WDPCP: variants seen among roughly 807,000 people sequenced by gnomAD.
WDPCP encodes the protein WD repeat containing planar cell polarity effector.
Under a neutral mutation model 93.1 loss-of-function variants are expected in WDPCP, and 71 were observed. The observed-to-expected ratio is 0.76, with a 90% CI of 0.63 to 0.93. The LOEUF (loss-of-function observed/expected upper bound fraction) is 0.93. WDPCP is among the 40% of genes least tolerant of loss of function. The pLI is 0.00. For synonymous variants in WDPCP, 315 were observed against 315.0 expected (o/e 1.00, Z 0.00); for missense variants, 844 against 887.4 (o/e 0.95, Z 0.62).
intron 14 of WDPCP, among the ~76,000 whole-genome samples, chr2:63,181,145 T>C (rs1465612557): frequency 6.6e-6 from 1 of 152,182 alleles, no homozygotes; most frequent in Admixed American, 6.5e-5. Context: ...TCTCCCATTC[T>C]ACACATTGTC....
At chr2:63,612,606 C>T (rs1709625305) in intron 3 of WDPCP, among the ~76,000 whole-genome samples, 1 of 152,176 alleles carries the variant, frequency 6.6e-6, no homozygotes, top group Non-Finnish European at 1.5e-5. Context: ...TTGTTTCCCC[C>T]ATACACTTAC....
At chr2:63,282,088 G>C (rs1375612403) in intron 13 of WDPCP, among the ~76,000 whole-genome samples, 3 of 151,966 alleles carry the variant, frequency 2.0e-5, no homozygotes, top group African/African-American at 7.2e-5. Context: ...AATCCTAAAA[G>C]TATTATAGAA....
intron 12 of WDPCP, among the ~76,000 whole-genome samples, chr2:63,323,014 T>A (rs548347308): frequency 2.6e-5 from 4 of 152,224 alleles, no homozygotes; most frequent in African/African-American, 9.6e-5. Context: ...GTTGGTAGCG[T>A]TGGTTTGCCT....
At chr2:63,235,320 A>G (rs1426656811) in intron 14 of WDPCP, among the ~76,000 whole-genome samples, 1 of 152,202 alleles carries the variant, frequency 6.6e-6, no homozygotes, top group Non-Finnish European at 1.5e-5. Context: ...TGAACAGAAC[A>G]GTAAACAACA....
intron 10 of WDPCP, among the ~76,000 whole-genome samples, chr2:63,392,345 GAAACTGGATCCCTTCCTTACAC>G: frequency 6.6e-6 from 1 of 152,210 alleles, no homozygotes; most frequent in East Asian, 1.9e-4. Flanking sequence ...GTAGAAAACT[GAAACTGGATCCCTTCCTTACAC>G]CTTATACAAA....
chr2:63,244,705 G>GAAATCAAATAAGTAATTTTTA (rs1680131754), intron 14 of WDPCP, among the ~76,000 whole-genome samples: 1 of 152,100 alleles, frequency 6.6e-6, no homozygotes, highest in South Asian at 2.1e-4. Context: ...AACAAATTCC[G>GAAATCAAATAAGTAATTTTTA]AAATCAAATA....
At chr2:63,565,898 T>C (rs902245977) in intron 1 of WDPCP, among the ~76,000 whole-genome samples, 3 of 152,202 alleles carry the variant, frequency 2.0e-5, no homozygotes, top group African/African-American at 7.2e-5. Context: ...CCCAGTCCTG[T>C]CTATTCTATA....
At chr2:63,375,647 G>A (rs549086600) in intron 12 of WDPCP, among the ~76,000 whole-genome samples, 79 of 151,978 alleles carry the variant, frequency 5.2e-4, no homozygotes, top group African/African-American at 1.9e-3. Flanking sequence ...AGACCAAAAA[G>A]TGTAAAGCAA....
chr2:63,484,384 T>C (rs1445466802), intron 6 of WDPCP, among the ~76,000 whole-genome samples: 3 of 152,016 alleles, frequency 2.0e-5, no homozygotes, highest in Admixed American at 6.6e-5. Context: ...TTAGTGTTTG[T>C]ATGTCAGTAC....
At chr2:63,291,604 T>G (rs1684424216) in intron 13 of WDPCP, among the ~76,000 whole-genome samples, 1 of 151,270 alleles carries the variant, frequency 6.6e-6, no homozygotes, top group African/African-American at 2.4e-5. Flanking sequence ...AGGCCAGGAG[T>G]TTGAGACAAG....
intron 17 of WDPCP, among the ~76,000 whole-genome samples, chr2:63,144,465 A>C (rs1000620372): frequency 2.0e-5 from 3 of 152,098 alleles, no homozygotes; most frequent in Non-Finnish European, 4.4e-5. Flanking sequence ...CATGTTGGCC[A>C]GACTGGTCTC....
intron 12 of WDPCP, among the ~76,000 whole-genome samples, chr2:63,326,289 C>T (rs570868327): frequency 5.9e-5 from 9 of 152,112 alleles, no homozygotes; most frequent in Admixed American, 4.6e-4. Context: ...TTATGCCGCC[C>T]GAGATGATCT....
At chr2:63,197,443 G>A (rs757427053) in intron 14 of WDPCP, among the ~76,000 whole-genome samples, 1 of 152,088 alleles carries the variant, frequency 6.6e-6, no homozygotes, top group Non-Finnish European at 1.5e-5. Flanking sequence ...CTTCATGGGG[G>A]TGCCCCTAAA....
At chr2:63,244,939 T>C (rs949542386) in intron 14 of WDPCP, among the ~76,000 whole-genome samples, 4 of 152,140 alleles carry the variant, frequency 2.6e-5, no homozygotes, top group African/African-American at 4.8e-5. Flanking sequence ...ATTTAAAGCA[T>C]AGGTTGAGCA....
At chr2:63,239,199 T>C (rs912088240) in intron 14 of WDPCP, among the ~76,000 whole-genome samples, 2 of 152,240 alleles carry the variant, frequency 1.3e-5, no homozygotes, top group African/African-American at 4.8e-5. Flanking sequence ...TTATTATTTC[T>C]ATGAAAGTAG....
chr2:63,261,981 T>A (rs1681668463), intron 13 of WDPCP, among the ~76,000 whole-genome samples: 1 of 152,212 alleles, frequency 6.6e-6, no homozygotes, highest in East Asian at 1.9e-4. Context: ...ATGTGGTTTT[T>A]AATTTTTAAT....
intron 1 of WDPCP, among the ~76,000 whole-genome samples, chr2:63,557,244 G>A (rs1269268903): frequency 6.6e-6 from 1 of 152,138 alleles, no homozygotes; most frequent in Non-Finnish European, 1.5e-5. Flanking sequence ...GACCCCAACA[G>A]TGTGCTGTAT....
At chr2:63,508,910 C>T (rs1702051441) in intron 1 of WDPCP, among the ~76,000 whole-genome samples, 1 of 152,156 alleles carries the variant, frequency 6.6e-6, no homozygotes, top group Admixed American at 6.5e-5. Context: ...GCACCCAGTA[C>T]AGGAGCACTC....
chr2:63,530,884 G>GT (rs1176216148), intron 1 of WDPCP, among the ~76,000 whole-genome samples: 2 of 138 alleles, frequency 0.014, no homozygotes, highest in Non-Finnish European at 0.031. Context: ...CCAAAGCAAG[G>GT]CGGGCATTGC....
Sources: allele counts gnomAD v4.1 joint callset (sites outside exome capture counted in the v4.1 genomes callset), GRCh38; gene constraint gnomAD v4.1.1; transcripts MANE v1.5; gene names NCBI Gene and HGNC (gene_info 2026-07-23, HGNC 2026-07-21).